The following PGM1 variants were observed in gnomAD, a reference collection of about 807,000 sequenced individuals.
PGM1 encodes phosphoglucomutase 1, also known as phosphoglucomutase-1.
In PGM1, 52 loss-of-function variants were observed where a neutral mutation model predicts 55.6. The ratio of observed to expected loss-of-function variants is 0.94; its 90% CI spans 0.75 to 1.18. The LOEUF is 1.18. PGM1 is among the 50% of genes most tolerant of loss of function. The pLI, the probability that PGM1 is intolerant of heterozygous loss-of-function variation, is 0.00. For synonymous variants in PGM1, 287 were observed against 271.7 expected, an observed-to-expected ratio of 1.06 and a Z score of -0.55; for missense variants, 724 against 729.3, an observed-to-expected ratio of 0.99 and a Z score of 0.08.
chr1:63,631,459 G>A (rs570995705), intron 3 of PGM1, among the ~76,000 whole-genome samples, 198 bp from the exon 4 acceptor site: 4 of 152,274 alleles, frequency 2.6e-5, no homozygotes, highest in Non-Finnish European at 1.5e-5. Context: ...TACCTCTCAG[G>A]AAAATTGTTA....
intron 4 of PGM1, among the ~76,000 whole-genome samples, chr1:63,633,653 T>G (rs950050054): frequency 4.0e-5 from 6 of 151,618 alleles, no homozygotes; most frequent in Admixed American, 1.3e-4. Context: ...TTGTTTGTTT[T>G]TGGTGGTGGG....
At chr1:63,629,867 C>G in intron 2 of PGM1, 75 bp from the exon 3 acceptor site, 2 of 1,530,894 alleles carry the variant, frequency 1.3e-6, no homozygotes, top group Non-Finnish European at 1.8e-6. Context: ...TGAAGAGGAA[C>G]TGATGAGCTT....
At position 63,637,950 on chromosome 1, in the gene PGM1, C is replaced by T. The variant is rs781219038; in HGVS notation, c.1029-735C>T. ...GGCAAACATTCTGGGAAGCAAATCT[C>T]GCTCAAACAGTGAATGGAACTTATC... is the stretch of plus-strand genomic sequence containing the variant. On this transcript the variant is annotated intron_variant, in intron 6 of 10. Coordinates refer to ENST00000371084, the MANE Select transcript of PGM1 (RefSeq NM_002633.3). Among the ~76,000 whole-genome samples, 68 of 152,126 alleles carry T rather than the reference C, an allele frequency of 4.5e-4. 1 individual carries two copies. The highest frequency in any genetic ancestry group is 1.6e-3 in the African/African-American group (65 of 41,418).
At chr1:63,645,068 C>G (rs928234104) in intron 7 of PGM1, among the ~76,000 whole-genome samples, 2 of 152,182 alleles carry the variant, frequency 1.3e-5, no homozygotes, top group Non-Finnish European at 2.9e-5. Flanking sequence ...CTCCAACTTC[C>G]TGAGTATTAA....
At chr1:63,640,080 G>A (rs1243956744) in intron 7 of PGM1, among the ~76,000 whole-genome samples, 1 of 152,208 alleles carries the variant, frequency 6.6e-6, no homozygotes, top group East Asian at 1.9e-4. Context: ...ATGGTGCCAT[G>A]CTATTCTGAG....
At chr1:63,637,993 C>A (rs1329157093) in intron 6 of PGM1, among the ~76,000 whole-genome samples, 1 of 126,496 alleles carries the variant, frequency 7.9e-6, no homozygotes, top group African/African-American at 3.7e-5. Context: ...TTTTCATGTT[C>A]AAAGGGAAAG....
Position 63,648,665 on chromosome 1 carries a change from C to T in PGM1, c.1280+13C>T. ...ATTTCTTCACCAGGTGAGCCACAGC[C>T]CAGCTGGGGTACAAGGTAAGGTGGG... On this transcript the variant is annotated intron_variant, in intron 8 of 10. Transcript: ENST00000371084. 6.2e-7 allele frequency: 1 copy of T among 1,613,308 alleles called. No homozygotes were observed. The highest frequency in any genetic ancestry group is 8.5e-7 in the Non-Finnish European group (1 of 1,179,770).
Position 63,659,768 on chromosome 1 carries a change from A to T in PGM1, c.*93A>T. On this transcript the variant is annotated 3_prime_UTR_variant, in exon 11 of 11. Transcript: ENST00000371084. ...TGACAGAAACAAAATGTATTCACCAAGCATTTTAGGATTTGACTTTTTCAC... is the reference window on the plus strand; with the variant it reads ...TGACAGAAACAAAATGTATTCACCATGCATTTTAGGATTTGACTTTTTCAC... The T allele has an allele frequency of 2.1e-6, 2 of 949,822 alleles. No homozygotes were observed. The highest frequency in any genetic ancestry group is 4.9e-5 in the East Asian group (2 of 40,462). 58.8% of individuals were successfully genotyped at this position (949,822 alleles called of 1,614,324 possible).
At chr1:63,614,116 T>A (rs55736774) in intron 1 of PGM1, among the ~76,000 whole-genome samples, 4,101 of 152,328 alleles carry the variant, frequency 0.027, 71 homozygotes, top group Non-Finnish European at 0.042. Context: ...GTAATGATAT[T>A]CACTGTGCTG....
chr1:63,601,353 G>C (rs1648237128), intron 1 of PGM1, among the ~76,000 whole-genome samples: 1 of 152,182 alleles, frequency 6.6e-6, no homozygotes, highest in South Asian at 2.1e-4. Flanking sequence ...TAAATGACTG[G>C]CTCAAAATAA....
Position 63,631,666 on chromosome 1 carries a change from T to C in PGM1, c.566T>C (p.Val189Ala). 6.2e-7 allele frequency: 1 copy of C among 1,613,506 alleles called. No homozygotes were observed. The highest frequency in any genetic ancestry group is 8.5e-7 in the Non-Finnish European group (1 of 1,179,418). ...TTGCTTGTTCTCACAGTGGAAATTG[T>C]GGATTCGGTAGAAGCTTATGCTACA... ...NKFKPFTVEI[V>A]DSVEAYATML... The change falls in exon 4 of 11, where the codon GTG (valine) becomes GCG (alanine). Residue 189 changes from valine (V) to alanine (A), a missense_variant. This residue lies in a region of PGM1 where 379 missense variants were observed against 357.5 expected (regional missense o/e 1.06). Coordinates refer to ENST00000371084, the MANE Select transcript of PGM1 (RefSeq NM_002633.3).
chr1:63,610,030 T>C (rs1270270274), intron 1 of PGM1, among the ~76,000 whole-genome samples: 1 of 152,210 alleles, frequency 6.6e-6, no homozygotes. Context: ...AGTGAAGACT[T>C]TGAGATTTTG....
intron 1 of PGM1, among the ~76,000 whole-genome samples, chr1:63,612,815 A>T (rs1293194196): frequency 6.6e-6 from 1 of 152,212 alleles, no homozygotes; most frequent in Non-Finnish European, 1.5e-5. Flanking sequence ...CCTCTGTTGT[A>T]GACACCTTGT....
chr1:63,597,585 A>G (rs1050123309), intron 1 of PGM1, among the ~76,000 whole-genome samples: 2 of 152,214 alleles, frequency 1.3e-5, no homozygotes, highest in Admixed American at 6.5e-5. Flanking sequence ...TCAGAGCCCA[A>G]TTGGGTACAA....
chr1:63,654,547 C>G, intron 10 of PGM1, 81 bp downstream of exon 10: 1 of 1,411,280 alleles, frequency 7.1e-7, no homozygotes. Flanking sequence ...GTTTCAATGC[C>G]CATTTCTCAA....
At chr1:63,647,256 TTACATATATATATATATATATATATA>T (rs1460092729) in intron 7 of PGM1, among the ~76,000 whole-genome samples, 2,095 of 51,592 alleles carry the variant, frequency 0.041, 103 homozygotes, top group African/African-American at 0.07. Flanking sequence ...AAATAAAATT[TTACATATATATATATATATATATATA>T]TATATATATA....
At chr1:63,622,264 A>G (rs1021744556) in intron 1 of PGM1, among the ~76,000 whole-genome samples, 1 of 152,086 alleles carries the variant, frequency 6.6e-6, no homozygotes, top group Admixed American at 6.6e-5. Context: ...ACCTCAGGTG[A>G]TCTGCCCACT....
At chr1:63,607,524 G>A (rs948516883) in intron 1 of PGM1, among the ~76,000 whole-genome samples, 2 of 152,152 alleles carry the variant, frequency 1.3e-5, no homozygotes, top group African/African-American at 4.8e-5. Flanking sequence ...GATGGGTGGT[G>A]TGCCCAGCGA....
rs147763516 is a variant in PGM1, at chr1:63,651,743, G to T, written c.1355G>T (p.Arg452Leu). Residue 452 changes from arginine to leucine, a missense_variant, in exon 9 of 11, where the codon CGC becomes CTC. By Grantham distance (102) the Arg-to-Leu change is moderately radical. This residue lies in a region of PGM1 where 316 missense variants were observed against 313.1 expected (regional missense o/e 1.01). Coordinates refer to ENST00000371084, the MANE Select transcript of PGM1 (RefSeq NM_002633.3). ...GACTTGGAGGCCCTGATGTTTGATC[G>T]CTCCTTTGTGGGGAAGCAGTTCTCA... ...MKDLEALMFDRSFVGKQFSAN... is the reference protein window; with the variant it reads ...MKDLEALMFDLSFVGKQFSAN... The T allele has an allele frequency of 1.2e-6, 2 of 1,613,780 alleles. No individual in the cohort carries two copies. Among genetic ancestry groups the T allele is most frequent in the East Asian group, 2.2e-5 (1 of 44,836 alleles).
Sources: gnomAD v4.1 joint callset for allele counts (sites outside exome capture counted in the v4.1 genomes callset) on GRCh38, gnomAD v4.1.1 for gene constraint, gnomAD v4.1.1 regional missense constraint, MANE v1.5 for transcripts, NCBI Gene and HGNC (gene_info 2026-07-23, HGNC 2026-07-21) for gene names.